NUGGC: variants seen among roughly 807,000 people sequenced by gnomAD.
The protein encoded by NUGGC is nuclear GTPase SLIP-GC.
In NUGGC, 58 loss-of-function variants were observed where a neutral mutation model predicts 92.6. The observed-to-expected ratio is 0.63, with a 90% confidence interval of 0.51 to 0.78. NUGGC has a LOEUF of 0.78. Among genes scored for constraint, NUGGC ranks in the 30% least tolerant of loss-of-function variants. NUGGC has a pLI of 0.00. For synonymous variants in NUGGC, 376 were observed against 366.4 expected (o/e 1.03, Z -0.30); for missense variants, 925 against 964.6 (o/e 0.96, Z 0.54).
intron 11 of NUGGC, among the ~76,000 whole-genome samples, chr8:28,047,186 T>C (rs1809861235): frequency 6.6e-6 from 1 of 152,098 alleles, no homozygotes; most frequent in African/African-American, 2.4e-5. Context: ...GTCAGGCTGT[T>C]CTCATACTCC....
rs1176017651 is a variant in NUGGC at position 28,047,541 on chromosome 8, G to A, written c.1278C>T (p.Tyr426=). Residue 426 remains tyrosine, a synonymous_variant, in exon 11 of 19, where the codon TAC becomes TAT. Transcript: ENST00000413272. ...CCTCGGTGAGGAGAGCCTGCTGCCA[G>A]TACTCCTGGGCGCTGACTGTATACA... ...DLVYTVSAQE[Y]WQQALLTEEE... is the part of the protein sequence containing the mutation. 1.9e-6 allele frequency: 3 copies of A among 1,567,612 alleles called. No homozygotes were observed. The highest frequency in any genetic ancestry group is 2.6e-6 in the Non-Finnish European group (3 of 1,154,960).
At chr8:28,082,944 G>A (rs1585612299) in intron 1 of NUGGC, among the ~76,000 whole-genome samples, 1 of 152,086 alleles carries the variant, frequency 6.6e-6, no homozygotes, top group African/African-American at 2.4e-5. Context: ...TAAGCAAACA[G>A]AAAAGTAAAA....
intron 2 of NUGGC, among the ~76,000 whole-genome samples, chr8:28,071,400 T>C (rs976509654): frequency 6.6e-6 from 1 of 152,160 alleles, no homozygotes; most frequent in Non-Finnish European, 1.5e-5. Context: ...CTCAATTTAT[T>C]CATCTGGAAA....
chr8:28,070,412 C>T, intron 2 of NUGGC, 56 bp from the exon 3 acceptor site: 2 of 919,396 alleles, frequency 2.2e-6, no homozygotes, highest in East Asian at 5.3e-5. Context: ...GGTATTCTTG[C>T]CTCACCTCTA....
intron 2 of NUGGC, among the ~76,000 whole-genome samples, chr8:28,071,154 G>C (rs1810581379): frequency 6.6e-6 from 1 of 152,150 alleles, no homozygotes; most frequent in Admixed American, 6.6e-5. Context: ...TATCTCCCCA[G>C]ATAAATAGTT....
chr8:28,041,595 G>T (rs13273244), intron 12 of NUGGC, among the ~76,000 whole-genome samples: 152,374 of 152,376 alleles, frequency 1, 76,186 homozygotes, highest in Non-Finnish European at 1. Flanking sequence ...TCACGGGCTT[G>T]GACTCTGCAC....
At chr8:28,073,505 A>G (rs1266855255) in intron 2 of NUGGC, among the ~76,000 whole-genome samples, 2 of 152,124 alleles carry the variant, frequency 1.3e-5, no homozygotes, top group East Asian at 3.9e-4. Flanking sequence ...GTGAGGAAAC[A>G]TTCCCTCTTC....
At position 28,060,582 on chromosome 8, in the gene NUGGC, A is replaced by G. The variant is rs779763543; in HGVS notation, c.941T>C (p.Val314Ala). Reference protein sequence around the residue: ...MWKKTIDKCSVIWVISDIERV... With the variant: ...MWKKTIDKCSAIWVISDIERV... ...CTCTATGTCGCTGATCACCCAGATC[A>G]CTGAGCACTTGTCAATGGTCTGCAA... is the stretch of plus-strand genomic sequence containing the variant. Residue 314 changes from valine (V) to alanine (A), a missense_variant, in exon 8 of 19, where the codon GTG becomes GCG. Coordinates refer to ENST00000413272, the MANE Select transcript of NUGGC (RefSeq NM_001010906.2). 2 of 1,612,054 alleles carry G rather than the reference A, an allele frequency of 1.2e-6. No homozygotes were observed. Among genetic ancestry groups the G allele is most frequent in the Non-Finnish European group, 8.5e-7 (1 of 1,179,308 alleles).
intron 10 of NUGGC, among the ~76,000 whole-genome samples, chr8:28,051,512 CAT>C (rs1810000296): frequency 6.6e-6 from 1 of 152,172 alleles, no homozygotes; most frequent in Admixed American, 6.5e-5. Context: ...GTTTACCTAA[CAT>C]ATAAAAGAAT....
intron 1 of NUGGC, among the ~76,000 whole-genome samples, chr8:28,076,582 C>A (rs746221803): frequency 6.6e-6 from 1 of 152,206 alleles, no homozygotes; most frequent in Non-Finnish European, 1.5e-5. Context: ...CAGGTGTGAG[C>A]CACCATGCCT....
chr8:28,056,964 G>C (rs1214579054), intron 9 of NUGGC, among the ~76,000 whole-genome samples: 1 of 152,218 alleles, frequency 6.6e-6, no homozygotes, highest in Non-Finnish European at 1.5e-5. Context: ...AACACCATGT[G>C]ATACTAATGA....
In NUGGC at chr8:28,033,693, C is replaced by G; in HGVS notation, c.1616G>C (p.Ser539Thr). The G allele has an allele frequency of 6.2e-7, 1 of 1,613,680 alleles. No homozygotes were observed. Among genetic ancestry groups the G allele is most frequent in the Non-Finnish European group, 8.5e-7 (1 of 1,179,746 alleles). ...CTGATGAAAACCTTGGTTTCCTTTA[C>G]TCCTCTAGACAATCAACAATAAATT... Reference protein sequence around the residue: ...RCILRACLVRSKGNQGFHQTL... With the variant: ...RCILRACLVRTKGNQGFHQTL... Residue 539 changes from serine to threonine, a missense_variant, in exon 14 of 19, where the codon AGT (serine) becomes ACT (threonine). By Grantham distance (58) the Ser-to-Thr change is moderately conservative (BLOSUM62 1). Transcript: ENST00000413272.
intron 18 of NUGGC, among the ~76,000 whole-genome samples, chr8:28,024,652 G>A (rs549820052): frequency 1.6e-4 from 24 of 152,274 alleles, no homozygotes; most frequent in East Asian, 5.8e-4. Flanking sequence ...TTCTGTGCCC[G>A]AGGGTGACTC....
chr8:28,081,809 C>T (rs181272879), intron 1 of NUGGC, among the ~76,000 whole-genome samples: 4 of 151,086 alleles, frequency 2.6e-5, no homozygotes, highest in African/African-American at 4.9e-5. Context: ...ACCCGGGAGG[C>T]GGAGGTTGCA....
chr8:28,041,436 T>G (rs1246967342), intron 12 of NUGGC, among the ~76,000 whole-genome samples: 1 of 152,232 alleles, frequency 6.6e-6, no homozygotes, highest in Admixed American at 6.5e-5. Flanking sequence ...GCAACTTATT[T>G]CATTTCTTAA....
At chr8:28,053,322 G>A (rs1379273901) in intron 10 of NUGGC, among the ~76,000 whole-genome samples, 1 of 152,118 alleles carries the variant, frequency 6.6e-6, no homozygotes, top group Non-Finnish European at 1.5e-5. Context: ...ATGTGGTGGT[G>A]CATACCGGTA....
In NUGGC at chr8:28,023,292, A is replaced by G. The variant is rs749195429; in HGVS notation, c.*25T>C. The stretch of plus-strand genomic sequence containing the variant: ...TTCTCTGGCTCTGGGCTGATTTTTC[A>G]TCCATTGGGACTAAGCCCCAGGAGT... On this transcript the variant is annotated 3_prime_UTR_variant, in exon 19 of 19. Transcript: ENST00000413272. 3 of 1,599,226 alleles carry G rather than the reference A, an allele frequency of 1.9e-6. No individual in the cohort carries two copies. Among genetic ancestry groups the G allele is most frequent in the Non-Finnish European group, 2.6e-6 (3 of 1,173,514 alleles).
intron 1 of NUGGC, among the ~76,000 whole-genome samples, chr8:28,080,286 CAGAGAG>C (rs372986321): frequency 1.3e-5 from 2 of 150,604 alleles, no homozygotes; most frequent in Non-Finnish European, 3.0e-5. Flanking sequence ...TAAAACAAGC[CAGAGAG>C]AGAGAGAGAG....
In NUGGC at chr8:28,069,737, G is replaced by T. The variant is rs80030698; in HGVS notation, c.149-85C>A. The T allele has an allele frequency of 8.5e-4, 668 of 784,386 alleles. 3 individuals are homozygous for T. The African/African-American group carries it at 0.01, about 12-fold the overall frequency. The allele number at this position is 784,386 out of a possible 1,614,324, so 48.6% of individuals were successfully genotyped here. ...CCAAAGGAGGTGTCTGTTGAACATC[G>T]CAGAGAAGGGAAAAAAAAAATGAAA... On this transcript the variant is annotated intron_variant, in intron 3 of 18. Coordinates refer to ENST00000413272, the MANE Select transcript of NUGGC (RefSeq NM_001010906.2).
Sources: gnomAD v4.1 joint callset for allele counts (sites outside exome capture counted in the v4.1 genomes callset) on GRCh38, gnomAD v4.1.1 for gene constraint, MANE v1.5 for transcripts, NCBI Gene and HGNC (gene_info 2026-07-23, HGNC 2026-07-21) for gene names.